Variants in TBXAS1 observed in about 807,000 individuals in gnomAD.
TBXAS1 encodes thromboxane-A synthase.
A neutral mutation model predicts 60.7 loss-of-function variants in TBXAS1; 48 were observed. The observed-to-expected ratio is 0.79, with a 90% CI of 0.63 to 1.01. The LOEUF is 1.01. Among genes scored for constraint, TBXAS1 ranks in the 50% least tolerant of loss-of-function variants. The probability of loss-of-function intolerance (pLI) is 0.00; values close to 1 mark genes in which losing one functional copy is unlikely to be tolerated. For missense variants in TBXAS1, 685 were observed against 686.3 expected (o/e 1.00, Z 0.02); for synonymous variants, 287 against 269.7 (o/e 1.06, Z -0.63).
chr7:139,978,348 A>G (rs1203311399), intron 9 of TBXAS1, among the ~76,000 whole-genome samples: 1 of 151,984 alleles, frequency 6.6e-6, no homozygotes, highest in East Asian at 1.9e-4. Flanking sequence ...AGTCTCTACT[A>G]AAAATACAAC....
intron 3 of TBXAS1, among the ~76,000 whole-genome samples, chr7:139,897,274 T>C (rs552793868): frequency 8.3e-6 from 1 of 121,012 alleles, no homozygotes; most frequent in East Asian, 2.7e-4. Flanking sequence ...TGCAAAGGCA[T>C]GGGAGTGAGA....
intron 4 of TBXAS1, among the ~76,000 whole-genome samples, chr7:139,921,903 A>G (rs549628870): frequency 6.6e-6 from 1 of 152,170 alleles, no homozygotes; most frequent in East Asian, 1.9e-4. Flanking sequence ...CATACTGCCA[A>G]ACAGTTTTCC....
intron 3 of TBXAS1, among the ~76,000 whole-genome samples, chr7:139,890,414 A>G (rs1006864517): frequency 4.0e-5 from 6 of 151,518 alleles, no homozygotes; most frequent in African/African-American, 7.3e-5. Context: ...ACGGGGTTTC[A>G]CCTTGTTAGC....
At chr7:139,951,959 A>AAAG (rs1237946358) in intron 5 of TBXAS1, among the ~76,000 whole-genome samples, 4 of 103,476 alleles carry the variant, frequency 3.9e-5, no homozygotes, top group African/African-American at 1.6e-4. Context: ...GAAAAGAAAG[A>AAAG]AAGAAAGAAA....
chr7:139,871,247 G>A (rs921511029), intron 1 of TBXAS1, among the ~76,000 whole-genome samples: 2 of 152,190 alleles, frequency 1.3e-5, no homozygotes, highest in Non-Finnish European at 2.9e-5. Flanking sequence ...TCTTATAGCA[G>A]TAATAGTTTG....
chr7:139,835,149 C>G (rs1002696295), intron 1 of TBXAS1, among the ~76,000 whole-genome samples: 3 of 151,162 alleles, frequency 2.0e-5, no homozygotes, highest in Non-Finnish European at 2.9e-5. Flanking sequence ...TCACTGCAAG[C>G]TCTGCCTCCC....
At position 139,957,651 on chromosome 7, in the gene TBXAS1, A is replaced by C. The variant is rs1220004529; in HGVS notation, c.706A>C (p.Met236Leu). The change falls in exon 8 of 13, where the codon ATG becomes CTG. Residue 236 changes from methionine to leucine, a missense_variant. Physicochemically the swap from Met to Leu is conservative, Grantham distance 15 (BLOSUM62 2). Coordinates refer to ENST00000448866, the MANE Select transcript of TBXAS1 (RefSeq NM_001061.7). ...CTTTCAAGTATCATTTCCATCCATA[A>C]TGGTCCCACTGGCCCGGATTTTGCC... The part of the protein sequence containing the change: ...LVLLLSFPSI[M>L]VPLARILPNK... 3 of 1,613,870 alleles carry C rather than the reference A, an allele frequency of 1.9e-6. No homozygotes were observed. The highest frequency in any genetic ancestry group is 2.5e-6 in the Non-Finnish European group (3 of 1,179,988).
At position 140,001,003 on chromosome 7, in the gene TBXAS1, A is replaced by G. The variant is rs1392317725; in HGVS notation, c.1135-6088A>G. Reference sequence around the variant, plus strand: ...GCATTACAGACGAGGGGTCCTGTAGATACTGTCCTGACGACTGGCCCAAGG... The same window carrying G: ...GCATTACAGACGAGGGGTCCTGTAGGTACTGTCCTGACGACTGGCCCAAGG... On this transcript the variant is annotated intron_variant, in intron 9 of 12. Transcript: ENST00000448866. Among the ~76,000 whole-genome samples, 3 of 152,242 alleles carry G rather than the reference A, an allele frequency of 2.0e-5. No homozygotes were observed. The South Asian group carries it at 6.2e-4, about 31-fold the overall frequency.
chr7:139,897,685 G>A (rs1804218411), intron 3 of TBXAS1, among the ~76,000 whole-genome samples: 1 of 152,184 alleles, frequency 6.6e-6, no homozygotes. Flanking sequence ...ACTCCTGAAA[G>A]GGGAGGGGCT....
Position 139,955,454 on chromosome 7 carries a change from C to T in TBXAS1, c.540-5C>T, listed in dbSNP as rs767530821. On this transcript the variant is annotated splice_region_variant and splice_polypyrimidine_tract_variant and intron_variant, in intron 6 of 12. Transcript: ENST00000448866. ...TTCAGATCTCTGTGCTCCCATCTCC[C>T]GTAGGTGCTACTGCAATTACACCAC... 1.2e-6 allele frequency: 2 copies of T among 1,614,170 alleles called. No individual in the cohort carries two copies. The highest frequency in any genetic ancestry group is 1.7e-5 in the Admixed American group (1 of 60,032).
intron 3 of TBXAS1, among the ~76,000 whole-genome samples, chr7:139,882,318 G>A (rs1352929821): frequency 6.6e-6 from 1 of 152,200 alleles, no homozygotes; most frequent in Non-Finnish European, 1.5e-5. Context: ...CTGAGGATAG[G>A]GTAGGGTGGA....
Position 139,951,885 on chromosome 7 carries a change from AGG to A in TBXAS1, c.451-1482_451-1481del, listed in dbSNP as rs1290775779. ...AAAGAAGGAAGGAAGGAAGGAAAGAAGGAAGGAAGGAAGGAAAGAAAGAGAAA... is the reference window on the plus strand; with the variant it reads ...AAAGAAGGAAGGAAGGAAGGAAAGAAAAGGAAGGAAGGAAAGAAAGAGAAA... On this transcript the variant is annotated intron_variant, in intron 5 of 12. Transcript: ENST00000448866. Among the ~76,000 whole-genome samples the A allele has an allele frequency of 4.6e-3, 144 of 31,314 alleles. 12 individuals carry two copies. Among genetic ancestry groups the A allele is most frequent in the Non-Finnish European group, 8.3e-3 (123 of 14,750 alleles). 20.5% of individuals were successfully genotyped at this position (31,314 alleles called of 152,430 possible). A position where few individuals can be genotyped will look rare whatever the true frequency, so the allele number is the denominator to read the frequency against.
intron 1 of TBXAS1, among the ~76,000 whole-genome samples, chr7:139,862,490 G>C (rs184939132): frequency 1.2e-4 from 19 of 152,258 alleles, no homozygotes; most frequent in African/African-American, 3.4e-4. Flanking sequence ...TAGTTGGAGT[G>C]GGGGGAGGAG....
At position 140,007,171 on chromosome 7, in the gene TBXAS1, G is replaced by A. The variant is rs548305901; in HGVS notation, c.1215G>A (p.Pro405=). 6.6e-5 allele frequency: 107 copies of A among 1,614,022 alleles called. No homozygotes were observed. Among genetic ancestry groups the A allele is most frequent in the Non-Finnish European group, 8.0e-5 (94 of 1,179,996 alleles). Residue 405 remains proline (P), a synonymous_variant, in exon 10 of 13, where the codon CCG becomes CCA. Transcript: ENST00000448866. ...MVIAETLRMY[P]PAFRFTREAA... is the part of the protein sequence containing the mutation. Reference sequence around the variant, plus strand: ...TTGCAGAGACGCTGAGGATGTACCCGCCAGCTTTCAGGTGTGTGGTAGCCC... The same window carrying A: ...TTGCAGAGACGCTGAGGATGTACCCACCAGCTTTCAGGTGTGTGGTAGCCC...
In TBXAS1 at chr7:140,008,842, G is replaced by T. The variant is rs148690325; in HGVS notation, c.1226+1660G>T. Among the ~76,000 whole-genome samples the T allele has an allele frequency of 4.8e-3, 725 of 152,324 alleles. 2 individuals carry two copies. Among genetic ancestry groups the T allele is most frequent in the Non-Finnish European group, 7.9e-3 (540 of 68,026 alleles). ...AATGAAGTTCAAGATAAAGCATTCAGGGATCAAATAGAACAAAGGCCATTT... is the reference window on the plus strand; with the variant it reads ...AATGAAGTTCAAGATAAAGCATTCATGGATCAAATAGAACAAAGGCCATTT... On this transcript the variant is annotated intron_variant, in intron 10 of 12. Transcript: ENST00000448866.
In TBXAS1 at chr7:139,999,729, T is replaced by C. The variant is rs533367564; in HGVS notation, c.1135-7362T>C. ...GCTTAAGGGATTTCCAGCTCCGGCTTCTAGAGGGCAAGGGCCAGCATCACT... is the reference window on the plus strand; with the variant it reads ...GCTTAAGGGATTTCCAGCTCCGGCTCCTAGAGGGCAAGGGCCAGCATCACT... On this transcript the variant is annotated intron_variant, in intron 9 of 12. Coordinates refer to ENST00000448866, the MANE Select transcript of TBXAS1 (RefSeq NM_001061.7). This position sits in a 1 kb window ranked among gnomAD's most constrained non-coding sequence, Gnocchi z 4.3. Among the ~76,000 whole-genome samples, 1 of 152,272 alleles carries C rather than the reference T, an allele frequency of 6.6e-6. No individual in the cohort carries two copies. Among genetic ancestry groups the C allele is most frequent in the South Asian group, 2.1e-4 (1 of 4,824 alleles).
At chr7:139,978,543 G>A (rs758370787) in intron 9 of TBXAS1, among the ~76,000 whole-genome samples, 6 of 151,702 alleles carry the variant, frequency 4.0e-5, no homozygotes, top group Non-Finnish European at 5.9e-5. Context: ...AAATAAAGAA[G>A]AATAATAAGA....
chr7:139,814,659 G>A (rs914217316), intron 4 of TBXAS1, among the ~76,000 whole-genome samples: 2 of 152,126 alleles, frequency 1.3e-5, no homozygotes, highest in African/African-American at 4.8e-5. Context: ...TGAGCAACAA[G>A]ACAAAGCATG....
intron 5 of TBXAS1, among the ~76,000 whole-genome samples, chr7:139,937,424 AG>A (rs1569515989): frequency 6.6e-6 from 1 of 152,226 alleles, no homozygotes; most frequent in African/African-American, 2.4e-5. Flanking sequence ...CCCCCAGAAG[AG>A]GAGGGGGTTC....
Sources: allele counts gnomAD v4.1 joint callset (sites outside exome capture counted in the v4.1 genomes callset), GRCh38; gene constraint gnomAD v4.1.1; non-coding constraint Gnocchi (gnomAD v3.1); transcripts MANE v1.5; gene names NCBI Gene and HGNC (gene_info 2026-07-23, HGNC 2026-07-21).